Variants in NLGN1 observed in about 807,000 individuals in gnomAD.
The protein encoded by NLGN1 is neuroligin-1.
Under a neutral mutation model 65.5 loss-of-function variants are expected in NLGN1, and 12 were observed. The ratio of observed to expected loss-of-function variants is 0.18; its 90% CI spans 0.12 to 0.30. The LOEUF (loss-of-function observed/expected upper bound fraction) is 0.30, where lower values mean the gene tolerates loss of function less well. NLGN1 is among the 10% of genes least tolerant of loss of function. NLGN1 has a pLI of 1.00. For missense variants in NLGN1, 750 were observed against 1,007.1 expected (o/e 0.74, Z 3.46); for synonymous variants, 350 against 359.5 (o/e 0.97, Z 0.30).
At chr3:173,697,914 T>C (rs75402200) in intron 3 of NLGN1, among the ~76,000 whole-genome samples, 7,838 of 152,238 alleles carry the variant, frequency 0.051, 488 homozygotes, top group African/African-American at 0.13. Context: ...AGGGTAAATG[T>C]GCACTTTTTA....
chr3:173,475,707 C>A (rs974234488), intron 2 of NLGN1, among the ~76,000 whole-genome samples: 1 of 152,112 alleles, frequency 6.6e-6, no homozygotes, highest in Non-Finnish European at 1.5e-5. Context: ...TATTGCATAG[C>A]AATTACCACT....
rs562178807 is a variant in NLGN1, at chr3:174,137,532, C to T, written c.647-137783C>T. On this transcript the variant is annotated intron_variant, in intron 4 of 6. Transcript: ENST00000457714. Reference sequence around the variant, plus strand: ...GAGCACTAAAATCTACTTTGGCAAACTTGCTGGATTGTTGGAAATCTCAAA... The same window carrying T: ...GAGCACTAAAATCTACTTTGGCAAATTTGCTGGATTGTTGGAAATCTCAAA... Among the ~76,000 whole-genome samples, 95 of 152,224 alleles carry T rather than the reference C, an allele frequency of 6.2e-4. 1 individual carries two copies. Among genetic ancestry groups the T allele is most frequent in the Middle Eastern group, 3.4e-3 (1 of 292 alleles).
chr3:174,234,246 G>T (rs1353321766), intron 4 of NLGN1, among the ~76,000 whole-genome samples: 2 of 152,054 alleles, frequency 1.3e-5, no homozygotes, highest in Admixed American at 1.3e-4. Context: ...GGGTACACTT[G>T]GTCAAGCAGG....
At chr3:174,215,183 T>C (rs1379937101) in intron 4 of NLGN1, among the ~76,000 whole-genome samples, 1 of 152,170 alleles carries the variant, frequency 6.6e-6, no homozygotes, top group African/African-American at 2.4e-5. Flanking sequence ...CTTAATTATT[T>C]CTTTGGTTTC....
intron 4 of NLGN1, among the ~76,000 whole-genome samples, chr3:173,922,667 G>T (rs191508940): frequency 6.6e-6 from 1 of 151,942 alleles, no homozygotes; most frequent in African/African-American, 2.4e-5. Flanking sequence ...AAGATTTTTG[G>T]TAAGGATTAT....
At chr3:174,170,103 T>C (rs1728238089) in intron 4 of NLGN1, among the ~76,000 whole-genome samples, 1 of 152,126 alleles carries the variant, frequency 6.6e-6, no homozygotes, top group South Asian at 2.1e-4. Flanking sequence ...TCCTTCAAGA[T>C]TCCAGTGGAT....
Position 173,802,931 on chromosome 3 carries a change from C to G in NLGN1, c.494-4749C>G, listed in dbSNP as rs188437043. Reference sequence around the variant, plus strand: ...CTTGGCTCACTGCAACCTCCGCCCTCGTGTTCAAGCAAGCAATTCTCCTGC... The same window carrying G: ...CTTGGCTCACTGCAACCTCCGCCCTGGTGTTCAAGCAAGCAATTCTCCTGC... On this transcript the variant is annotated intron_variant, in intron 3 of 6. Transcript: ENST00000457714. Among the ~76,000 whole-genome samples, 5 of 151,866 alleles carry G rather than the reference C, an allele frequency of 3.3e-5. No individual in the cohort carries two copies. In the East Asian group the frequency reaches 7.7e-4, roughly 24 times the overall value.
chr3:173,807,096 G>T (rs551868391), intron 3 of NLGN1, among the ~76,000 whole-genome samples: 4 of 152,028 alleles, frequency 2.6e-5, no homozygotes, highest in Non-Finnish European at 5.9e-5. Context: ...CATGACTTTC[G>T]TGCCTAAACA....
upstream of NLGN1, chr3:173,397,869 GCC>G (rs1216005100): frequency 6.6e-6 from 1 of 152,234 alleles, no homozygotes; most frequent in Non-Finnish European, 1.5e-5. Context: ...GTGATGAGAG[GCC>G]GGGAGAGCCC....
intron 3 of NLGN1, among the ~76,000 whole-genome samples, chr3:173,793,192 T>A (rs1350913288): frequency 1.3e-5 from 2 of 151,854 alleles, no homozygotes; most frequent in African/African-American, 4.8e-5. Flanking sequence ...GAGTCTGGAG[T>A]CTGCATGATG....
intron 3 of NLGN1, among the ~76,000 whole-genome samples, chr3:173,607,286 G>T (rs1212737915): frequency 6.6e-6 from 1 of 151,872 alleles, no homozygotes; most frequent in Non-Finnish European, 1.5e-5. Context: ...GTAATAATTA[G>T]AATGAGGACA....
chr3:174,110,965 C>G (rs1715086089), intron 4 of NLGN1, among the ~76,000 whole-genome samples: 1 of 151,860 alleles, frequency 6.6e-6, no homozygotes, highest in Non-Finnish European at 1.5e-5. Context: ...CAGAAACACC[C>G]AAAGTAAGTG....
At chr3:173,953,490 T>C (rs1354979735) in intron 4 of NLGN1, among the ~76,000 whole-genome samples, 1 of 152,220 alleles carries the variant, frequency 6.6e-6, no homozygotes, top group Non-Finnish European at 1.5e-5. Flanking sequence ...TGATTAATGG[T>C]AGACAGTCCT....
At chr3:173,742,424 T>TG (rs11372385) in intron 3 of NLGN1, among the ~76,000 whole-genome samples, 103,736 of 151,986 alleles carry the variant, frequency 0.68, 35,708 homozygotes, top group East Asian at 0.85. Flanking sequence ...AAAAGTGAAA[T>TG]TTTTTCAAGC....
chr3:174,057,570 A>T (rs1321040594), intron 4 of NLGN1: 2 of 152,078 alleles, frequency 1.3e-5, no homozygotes, highest in Non-Finnish European at 2.9e-5. Flanking sequence ...TTCCATGTGT[A>T]TTTTTGTTGC....
chr3:173,413,196 C>A (rs1302972015), intron 1 of NLGN1, among the ~76,000 whole-genome samples: 1 of 152,048 alleles, frequency 6.6e-6, no homozygotes, highest in East Asian at 1.9e-4. Flanking sequence ...GATCTAGTGT[C>A]CTTCTGCCTG....
intron 3 of NLGN1, among the ~76,000 whole-genome samples, chr3:173,654,390 G>A (rs148469761): frequency 1.4e-3 from 216 of 152,070 alleles, no homozygotes; most frequent in African/African-American, 4.6e-3. Context: ...TACTTGTTTA[G>A]TAAAATGAAT....
intron 4 of NLGN1, among the ~76,000 whole-genome samples, chr3:174,266,607 A>G (rs566592430): frequency 9.9e-5 from 15 of 152,056 alleles, no homozygotes; most frequent in Non-Finnish European, 2.2e-4. Context: ...CGGTATTTCT[A>G]TTTTAAGTTC....
intron 4 of NLGN1, among the ~76,000 whole-genome samples, chr3:174,126,377 A>G (rs1046411643): frequency 1.8e-4 from 27 of 152,290 alleles, no homozygotes; most frequent in African/African-American, 6.5e-4. Flanking sequence ...CCTGGGTCAT[A>G]GTTTAAAAAT....
Sources: allele counts gnomAD v4.1 joint callset (sites outside exome capture counted in the v4.1 genomes callset), GRCh38; gene constraint gnomAD v4.1.1; transcripts MANE v1.5; gene names NCBI Gene and HGNC (gene_info 2026-07-23, HGNC 2026-07-21).